ZC3H18: variants seen among roughly 807,000 people sequenced by gnomAD.
The protein encoded by ZC3H18 is zinc finger CCCH-type containing 18.
A neutral mutation model predicts 106.1 loss-of-function variants in ZC3H18; 8 were observed. The ratio of observed to expected loss-of-function variants is 0.08; its 90% CI spans 0.04 to 0.14. The LOEUF (loss-of-function observed/expected upper bound fraction) is 0.14, where lower values mean the gene tolerates loss of function less well. ZC3H18 is among the 10% of genes least tolerant of loss of function. The pLI is 1.00. For missense variants in ZC3H18, 1,318 were observed against 1,278.4 expected (o/e 1.03, Z -0.47); for synonymous variants, 635 against 522.1 (o/e 1.22, Z -2.95).
In ZC3H18 at chr16:88,630,524, C is replaced by T. The variant is rs1218820465; in HGVS notation, c.2606C>T (p.Pro869Leu). Residue 869 changes from proline (P) to leucine (L), a missense_variant, in exon 17 of 18, where the codon CCG becomes CTG. Physicochemically the swap from Pro to Leu is moderately conservative, Grantham distance 98 (BLOSUM62 -3). Coordinates refer to ENST00000301011, the MANE Select transcript of ZC3H18 (RefSeq NM_144604.4). Reference protein sequence around the residue: ...DRKSGGRLGSPKPERQRGQNS... With the variant: ...DRKSGGRLGSLKPERQRGQNS... Reference sequence around the variant, plus strand: ...AAGTCAGGTGGGAGACTGGGCTCCCCGAAGCCAGAGCGGCAGAGAGGCCAG... The same window carrying T: ...AAGTCAGGTGGGAGACTGGGCTCCCTGAAGCCAGAGCGGCAGAGAGGCCAG... 16 of 1,613,114 alleles carry T rather than the reference C, an allele frequency of 9.9e-6. No homozygotes were observed. Among genetic ancestry groups the T allele is most frequent in the African/African-American group, 4.0e-5 (3 of 74,932 alleles).
In ZC3H18 at chr16:88,585,690, C is replaced by T. The variant is rs537212468; in HGVS notation, c.604-910C>T. 5.3e-3 allele frequency among the ~76,000 whole-genome samples: 807 copies of T among 151,952 alleles called. 7 individuals carry two copies. The highest frequency in any genetic ancestry group is 0.018 in the African/African-American group (761 of 41,408). On this transcript the variant is annotated intron_variant, in intron 2 of 17. Transcript: ENST00000301011. Reference sequence around the variant, plus strand: ...GAAAAGGGCGCTTCACACTGTGAAGCGAGACTGGAGGAGTTGAGGAGGGAA... The same window carrying T: ...GAAAAGGGCGCTTCACACTGTGAAGTGAGACTGGAGGAGTTGAGGAGGGAA...
chr16:88,600,561 C>T (rs567624734), intron 6 of ZC3H18, among the ~76,000 whole-genome samples: 1 of 152,174 alleles, frequency 6.6e-6, no homozygotes, highest in Non-Finnish European at 1.5e-5. Context: ...CTACAGGTGT[C>T]TGCTACCACA....
At chr16:88,576,050 G>A (rs1597316914) in intron 1 of ZC3H18, among the ~76,000 whole-genome samples, 1 of 152,160 alleles carries the variant, frequency 6.6e-6, no homozygotes, top group African/African-American at 2.4e-5. Flanking sequence ...ACAGGCGCCT[G>A]CCACCACGTG....
intron 8 of ZC3H18, 72 bp from the exon 9 acceptor site, chr16:88,622,125 G>C: frequency 6.6e-7 from 1 of 1,505,846 alleles, no homozygotes. Flanking sequence ...AGTCTCTCCC[G>C]CTGCTGTCAC....
intron 8 of ZC3H18, among the ~76,000 whole-genome samples, chr16:88,612,677 T>A (rs1289614887): frequency 6.8e-6 from 1 of 146,674 alleles, no homozygotes; most frequent in Non-Finnish European, 1.5e-5. Context: ...AGACCCTGTA[T>A]CTAAAAAAAA....
chr16:88,616,277 C>T (rs774063045), intron 8 of ZC3H18, among the ~76,000 whole-genome samples: 5 of 152,194 alleles, frequency 3.3e-5, no homozygotes, highest in Non-Finnish European at 5.9e-5. Flanking sequence ...TCTCACCAAA[C>T]TGGGCCGAGC....
At chr16:88,602,367 G>A (rs1039029603) in intron 6 of ZC3H18, among the ~76,000 whole-genome samples, 2 of 152,226 alleles carry the variant, frequency 1.3e-5, no homozygotes, top group African/African-American at 2.4e-5. Context: ...ACAGCAGGCC[G>A]AGGTCAGGGC....
At chr16:88,625,087 G>C (rs1039853499) in intron 12 of ZC3H18, 115 bp from the exon 13 acceptor site, 10 of 1,243,250 alleles carry the variant, frequency 8.0e-6, no homozygotes, top group Non-Finnish European at 1.1e-5. Context: ...CCTGTTCCAA[G>C]GTGGTAGCAA....
rs758758405 is a variant in ZC3H18, at chr16:88,623,262, C to T, written c.1711C>T (p.Arg571Trp). The change falls in exon 10 of 18, where the codon CGG becomes TGG. Residue 571 changes from arginine (R) to tryptophan (W), a missense_variant. By Grantham distance (101) the Arg-to-Trp change is moderately radical. Coordinates refer to ENST00000301011, the MANE Select transcript of ZC3H18 (RefSeq NM_144604.4). Reference protein sequence around the residue: ...SSSYSGSGSSRSRSRSSSYSS... With the variant: ...SSSYSGSGSSWSRSRSSSYSS... Reference sequence around the variant, plus strand: ...GTCCTACTCTGGCTCCGGCTCCTCCCGGTCGCGATCCCGGTCTTCATCCTA... The same window carrying T: ...GTCCTACTCTGGCTCCGGCTCCTCCTGGTCGCGATCCCGGTCTTCATCCTA... 3.1e-6 allele frequency: 5 copies of T among 1,613,654 alleles called. No homozygotes were observed. The South Asian group carries it at 3.3e-5, about 11-fold the overall frequency.
In ZC3H18 at chr16:88,577,494, A is replaced by C. The variant is rs1222805196; in HGVS notation, c.371A>C (p.Asp124Ala). ...GCCTCCTCAGTCACCAGGGAGCTGG[A>C]TGAGCATGAGCTAGACTACGATGAG... ...DEASSVTRELDEHELDYDEEV... is the reference protein window; with the variant it reads ...DEASSVTRELAEHELDYDEEV... Residue 124 changes from aspartate (D) to alanine (A), a missense_variant, in exon 2 of 18, where the codon GAT becomes GCT. Transcript: ENST00000301011. 1 of 1,612,978 alleles carries C rather than the reference A, an allele frequency of 6.2e-7. No individual in the cohort carries two copies. The highest frequency in any genetic ancestry group is 1.7e-5 in the Admixed American group (1 of 59,952).
At chr16:88,574,686 T>C (rs1022118610) in intron 1 of ZC3H18, among the ~76,000 whole-genome samples, 4 of 145,578 alleles carry the variant, frequency 2.7e-5, no homozygotes, top group African/African-American at 1.0e-4. Context: ...TTTTTTTTTT[T>C]TTTTTTTGGT....
intron 2 of ZC3H18, among the ~76,000 whole-genome samples, chr16:88,585,993 C>T (rs1042628210): frequency 6.6e-6 from 1 of 152,046 alleles, no homozygotes; most frequent in African/African-American, 2.4e-5. Context: ...GGCCCTGGGA[C>T]AGTGGGTGGC....
At position 88,616,023 on chromosome 16, in the gene ZC3H18, C is replaced by G. The variant is rs116514593; in HGVS notation, c.1475+4487C>G. 3.4e-3 allele frequency among the ~76,000 whole-genome samples: 524 copies of G among 152,308 alleles called. 10 individuals are homozygous for G. Among genetic ancestry groups the G allele is most frequent in the African/African-American group, 0.012 (493 of 41,560 alleles). On this transcript the variant is annotated intron_variant, in intron 8 of 17. Coordinates refer to ENST00000301011, the MANE Select transcript of ZC3H18 (RefSeq NM_144604.4). ...CTGCTGTGCCCGTCTCCTGTGTGCT[C>G]AGCCTCCCCAGAGGAAAGCGGGTGA...
At chr16:88,573,581 C>G (rs1033239869) in intron 1 of ZC3H18, among the ~76,000 whole-genome samples, 6 of 151,904 alleles carry the variant, frequency 3.9e-5, no homozygotes, top group Non-Finnish European at 5.9e-5. Context: ...CAGTTTAGGA[C>G]TACCTTTAAT....
Position 88,628,008 on chromosome 16 carries a change from A to G in ZC3H18, c.2358A>G (p.Ala786=), listed in dbSNP as rs199634367. 51 of 1,614,162 alleles carry G rather than the reference A, an allele frequency of 3.2e-5. No individual in the cohort carries two copies. The East Asian group carries it at 9.4e-4, about 30-fold the overall frequency. The change falls in exon 15 of 18, where the codon GCA becomes GCG. Residue 786 remains alanine, a synonymous_variant. Coordinates refer to ENST00000301011, the MANE Select transcript of ZC3H18 (RefSeq NM_144604.4). ...TQPPKSAKPP[A]GGKSSQQPST... is the part of the protein sequence containing the mutation. The stretch of plus-strand genomic sequence containing the variant: ...CACCCAAATCTGCAAAACCTCCAGC[A>G]GGGGGGAAGTCCTCCCAGCAGCCCT...
chr16:88,628,798 A>G lies in ZC3H18; in HGVS notation c.2510A>G (p.Asp837Gly), dbSNP rs149029967. The G allele has an allele frequency of 3.1e-6, 5 of 1,614,016 alleles. No individual in the cohort carries two copies. The African/African-American group carries it at 5.3e-5, about 17-fold the overall frequency. ...KGSRKRYEPS[D>G]KDRQSPPPAK... ...AGCAGGAAGCGCTATGAACCATCAGACAAGGACAGGCAGAGCCCTCCTCCA... is the reference window on the plus strand; with the variant it reads ...AGCAGGAAGCGCTATGAACCATCAGGCAAGGACAGGCAGAGCCCTCCTCCA... The change falls in exon 16 of 18, where the codon GAC becomes GGC. Residue 837 changes from aspartate (D) to glycine (G), a missense_variant. Around this residue, in one of 6 missense-constraint regions of ZC3H18, gnomAD observed 848 missense variants for 821.7 expected, o/e 1.03. Transcript: ENST00000301011.
chr16:88,628,956 G>T (rs994267291), intron 16 of ZC3H18, 102 bp downstream of exon 16: 30 of 1,188,732 alleles, frequency 2.5e-5, no homozygotes, highest in Non-Finnish European at 3.4e-5. Context: ...GTAGGAGGAG[G>T]GTCCAGAGAA....
In ZC3H18 at chr16:88,611,319, G is replaced by GAGC. The variant is rs1329649694; in HGVS notation, c.1259_1261dup (p.Glu420_Arg421insGln). The GAGC allele has an allele frequency of 1.3e-6, 1 of 753,456 alleles. No homozygotes were observed. Among genetic ancestry groups the GAGC allele is most frequent in the Non-Finnish European group, 2.4e-6 (1 of 414,332 alleles). 46.7% of individuals were successfully genotyped at this position (753,456 alleles called of 1,614,324 possible). A position where few individuals can be genotyped will look rare whatever the true frequency, so the allele number is the denominator to read the frequency against. On this transcript the variant is annotated inframe_insertion, in exon 8 of 18. Transcript: ENST00000301011. The stretch of plus-strand genomic sequence containing the variant: ...GAACAGACAGCGCGAGCGCGAGCGG[G>GAGC]AGCGGGAGCGGGACCGAGAGCGGGA...
Position 88,598,651 on chromosome 16 carries a change from C to T in ZC3H18, c.869C>T (p.Pro290Leu). 1.2e-6 allele frequency: 2 copies of T among 1,612,594 alleles called. No individual in the cohort carries two copies. Among genetic ancestry groups the T allele is most frequent in the South Asian group, 2.2e-5 (2 of 90,666 alleles). Residue 290 changes from proline to leucine, a missense_variant, in exon 5 of 18, where the codon CCA (proline) becomes CTA (leucine). Physicochemically the swap from Pro to Leu is moderately conservative, Grantham distance 98. This residue lies in a region of ZC3H18 where 78 missense variants were observed against 67.3 expected (regional missense o/e 1.16). Coordinates refer to ENST00000301011, the MANE Select transcript of ZC3H18 (RefSeq NM_144604.4). ...GGPVVDEILP[P>L]PPPEPPTESA... ...CCGGTAGTTGATGAAATTTTGCCTC[C>T]ACCCCCTCCAGAGCCCCCAACAGAG...
Sources: gnomAD v4.1 joint callset for allele counts (sites outside exome capture counted in the v4.1 genomes callset) on GRCh38, gnomAD v4.1.1 for gene constraint, gnomAD v4.1.1 regional missense constraint, MANE v1.5 for transcripts, NCBI Gene and HGNC (gene_info 2026-07-23, HGNC 2026-07-21) for gene names.